RPF1: variants seen among roughly 807,000 people sequenced by gnomAD.
The protein encoded by RPF1 is ribosome production factor 1.
RPF1 carries 34 observed loss-of-function variants against 41.9 expected under a neutral mutation model. The ratio of observed to expected loss-of-function variants is 0.81; its 90% CI spans 0.62 to 1.08. The LOEUF (loss-of-function observed/expected upper bound fraction) is 1.08, where lower values mean the gene tolerates loss of function less well. Among genes scored for constraint, RPF1 ranks in the 50% least tolerant of loss-of-function variants. The pLI, the probability that RPF1 is intolerant of heterozygous loss-of-function variation, is 0.00. For missense variants in RPF1, 425 were observed against 435.2 expected, an observed-to-expected ratio of 0.98 and a Z score of 0.21; for synonymous variants, 140 against 148.9, an observed-to-expected ratio of 0.94 and a Z score of 0.43.
chr1:84,491,495 T>C (rs879670123), intron 5 of RPF1, among the ~76,000 whole-genome samples: 5 of 152,214 alleles, frequency 3.3e-5, no homozygotes, highest in Non-Finnish European at 7.3e-5. Context: ...CTTGTACTAG[T>C]AGCTTTCCAG....
chr1:84,484,599 T>A (rs979401301), intron 3 of RPF1, among the ~76,000 whole-genome samples: 2 of 152,158 alleles, frequency 1.3e-5, no homozygotes, highest in Admixed American at 1.3e-4. Context: ...CGCCTGGGGT[T>A]TCCTCTGATT....
intron 5 of RPF1, among the ~76,000 whole-genome samples, chr1:84,493,332 CAAAA>C (rs376130673): frequency 1.1e-4 from 11 of 104,088 alleles, no homozygotes; most frequent in Admixed American, 9.4e-5. Flanking sequence ...GCACTACTAT[CAAAA>C]AAAAAAAAAA....
intron 5 of RPF1, among the ~76,000 whole-genome samples, chr1:84,493,960 A>G (rs945692141): frequency 1.3e-5 from 2 of 152,198 alleles, no homozygotes; most frequent in African/African-American, 2.4e-5. Context: ...TCTGTAGATG[A>G]GTCTGTGATG....
intron 3 of RPF1, among the ~76,000 whole-genome samples, chr1:84,487,730 T>A (rs1481637611): frequency 6.6e-6 from 1 of 152,132 alleles, no homozygotes; most frequent in Admixed American, 6.5e-5. Context: ...ATTTATTTGC[T>A]TGATTGTCAG....
In RPF1 at chr1:84,496,448, G is replaced by C. The variant is rs112102724; in HGVS notation, c.1008+78G>C. ...AGGGTGGGAGGAGAGAGAGCATCAG[G>C]AATAGCTAATGGATGCTGGGCTTAA... On this transcript the variant is annotated intron_variant, in intron 8 of 8. Coordinates refer to ENST00000370654, the MANE Select transcript of RPF1 (RefSeq NM_025065.7). The C allele has an allele frequency of 1.9e-5, 24 of 1,279,358 alleles. 1 individual carries two copies. The highest frequency in any genetic ancestry group is 1.7e-4 in the South Asian group (12 of 68,598). The allele number at this position is 1,279,358 out of a possible 1,614,324, so 79.3% of individuals were successfully genotyped here.
At chr1:84,482,760 A>G (rs1681673436) in intron 2 of RPF1, among the ~76,000 whole-genome samples, 155 bp from the exon 3 acceptor site, 1 of 151,186 alleles carries the variant, frequency 6.6e-6, no homozygotes, top group Non-Finnish European at 1.5e-5. Flanking sequence ...CCTCTTATTC[A>G]ATATTGTTAT....
intron 3 of RPF1, 72 bp from the exon 4 acceptor site, chr1:84,489,560 GA>G: frequency 2.4e-6 from 2 of 826,594 alleles, no homozygotes; most frequent in Middle Eastern, 2.2e-4. Flanking sequence ...CAGTCCTGCT[GA>G]TGCTACTTTT....
intron 2 of RPF1, 137 bp from the exon 3 acceptor site, chr1:84,482,778 G>T: frequency 2.7e-5 from 14 of 514,084 alleles, no homozygotes; most frequent in Non-Finnish European, 3.6e-5. Flanking sequence ...TATTAGAATT[G>T]ATGTAGCAAT....
At position 84,490,310 on chromosome 1, in the gene RPF1, G is replaced by C. The variant is rs1272183130; in HGVS notation, c.463-9G>C. ...AACTATTCAAAATTTTTGTTATTTT[G>C]TTTTGCAGAGAACAGTACGACTCTG... On this transcript the variant is annotated splice_polypyrimidine_tract_variant and intron_variant, in intron 4 of 8. Coordinates refer to ENST00000370654, the MANE Select transcript of RPF1 (RefSeq NM_025065.7). The C allele has an allele frequency of 6.6e-7, 1 of 1,508,372 alleles. No homozygotes were observed. The highest frequency in any genetic ancestry group is 8.8e-7 in the Non-Finnish European group (1 of 1,130,548). The allele number at this position is 1,508,372 out of a possible 1,614,324, so 93.4% of individuals were successfully genotyped here. A position where few individuals can be genotyped will look rare whatever the true frequency, so the allele number is the denominator to read the frequency against.
intron 6 of RPF1, 74 bp downstream of exon 6, chr1:84,495,529 T>C: frequency 4.3e-6 from 3 of 695,340 alleles, no homozygotes; most frequent in South Asian, 1.9e-5. Flanking sequence ...TGCTGTATCT[T>C]ATAGCTCTAA....
intron 3 of RPF1, among the ~76,000 whole-genome samples, chr1:84,485,113 T>C (rs954776910): frequency 5.3e-5 from 8 of 151,900 alleles, no homozygotes; most frequent in African/African-American, 9.7e-5. Flanking sequence ...AGGTAACTTT[T>C]TTATTTTTGG....
chr1:84,495,418 TTAAAA>T lies in RPF1; in HGVS notation c.664_668del (p.Lys222GlufsTer7), dbSNP rs1479088619. ...TTGCCAAATGGCCCAACTGCTCATT[TTAAAA>T]TGAGCAGTGTTCGTCTTCGTAAAGA... On this transcript the variant is annotated frameshift_variant, in exon 6 of 9. Coordinates refer to ENST00000370654, the MANE Select transcript of RPF1 (RefSeq NM_025065.7). LOFTEE classifies it high-confidence loss of function. 1 of 1,529,186 alleles carries T rather than the reference TTAAAA, an allele frequency of 6.5e-7. No individual in the cohort carries two copies. Among genetic ancestry groups the T allele is most frequent in the Non-Finnish European group, 8.9e-7 (1 of 1,117,414 alleles). The allele number at this position is 1,529,186 out of a possible 1,614,324, so 94.7% of individuals were successfully genotyped here.
At chr1:84,488,088 C>A (rs1681765666) in intron 3 of RPF1, among the ~76,000 whole-genome samples, 1 of 152,212 alleles carries the variant, frequency 6.6e-6, no homozygotes, top group Admixed American at 6.5e-5. Context: ...GGCTTCATAT[C>A]TATAAGGGCA....
chr1:84,494,318 C>T (rs1681890953), intron 5 of RPF1, among the ~76,000 whole-genome samples: 1 of 152,100 alleles, frequency 6.6e-6, no homozygotes, highest in Non-Finnish European at 1.5e-5. Context: ...GCTGAAGATA[C>T]CATAGCTTCT....
At chr1:84,483,308 C>T in intron 3 of RPF1, 1 of 276,134 alleles carries the variant, frequency 3.6e-6, no homozygotes, top group Non-Finnish European at 7.0e-6. Flanking sequence ...GCTCTGTCGC[C>T]CATGCTGGAG....
intron 5 of RPF1, 49 bp downstream of exon 5, chr1:84,490,521 C>A: frequency 7.9e-7 from 1 of 1,272,190 alleles, no homozygotes; most frequent in Non-Finnish European, 1.1e-6. Flanking sequence ...CCCTCACCCC[C>A]CTTAAAAATA....
chr1:84,482,998 A>G lies in RPF1; in HGVS notation c.366+3A>G, dbSNP rs1681678065. On this transcript the variant is annotated splice_donor_region_variant and intron_variant, in intron 3 of 8. Coordinates refer to ENST00000370654, the MANE Select transcript of RPF1 (RefSeq NM_025065.7). ...CAGTAGACCCTAATGATGAAGAGGT[A>G]ATGTTAGAAGTCTTAAATTAGTTTG... 1.3e-6 allele frequency: 2 copies of G among 1,542,976 alleles called. No individual in the cohort carries two copies. The highest frequency in any genetic ancestry group is 1.8e-6 in the Non-Finnish European group (2 of 1,115,404).
At chr1:84,487,985 A>G (rs1558541792) in intron 3 of RPF1, among the ~76,000 whole-genome samples, 2 of 152,092 alleles carry the variant, frequency 1.3e-5, no homozygotes, top group Admixed American at 6.5e-5. Flanking sequence ...CATGATATAT[A>G]TCAAATATCT....
At chr1:84,491,675 A>C (rs1017527326) in intron 5 of RPF1, among the ~76,000 whole-genome samples, 3 of 152,220 alleles carry the variant, frequency 2.0e-5, no homozygotes, top group Non-Finnish European at 4.4e-5. Flanking sequence ...CTGCCTCCAC[A>C]AAGTGGCAAG....
Sources: gnomAD v4.1 joint callset for allele counts (sites outside exome capture counted in the v4.1 genomes callset) on GRCh38, gnomAD v4.1.1 for gene constraint, MANE v1.5 for transcripts, NCBI Gene and HGNC (gene_info 2026-07-23, HGNC 2026-07-21) for gene names.